RBM6: variants seen among roughly 807,000 people sequenced by gnomAD.
RBM6 encodes RNA binding motif protein 6.
RBM6 carries 23 observed loss-of-function variants against 140.4 expected under a neutral mutation model. The ratio of observed to expected loss-of-function variants is 0.16; its 90% CI spans 0.12 to 0.23. RBM6 has a LOEUF of 0.23. Ranked by LOEUF, RBM6 falls within the 10% of genes least tolerant of loss-of-function variation. The pLI is 1.00. For missense variants in RBM6, 1,139 were observed against 1,386.7 expected, an observed-to-expected ratio of 0.82 and a Z score of 2.84; for synonymous variants, 439 against 475.6, an observed-to-expected ratio of 0.92 and a Z score of 1.00.
At chr3:50,068,158 C>T in intron 17 of RBM6, among the ~76,000 whole-genome samples, 1 of 152,188 alleles carries the variant, frequency 6.6e-6, no homozygotes, top group South Asian at 2.1e-4. Flanking sequence ...TTTTCCTTTC[C>T]TTAAGGTCGT....
In RBM6 at chr3:49,955,988, T is replaced by G. The variant is rs190812510; in HGVS notation, c.-66-6588T>G. On this transcript the variant is annotated intron_variant, in intron 1 of 20. Coordinates refer to ENST00000266022, the MANE Select transcript of RBM6 (RefSeq NM_005777.3). Reference sequence around the variant, plus strand: ...ACTTTTGCCATTTTGCTACTACTTTTATGTTTAGCTGATTTTTTTTTTTTT... The same window carrying G: ...ACTTTTGCCATTTTGCTACTACTTTGATGTTTAGCTGATTTTTTTTTTTTT... 3.7e-4 allele frequency among the ~76,000 whole-genome samples: 57 copies of G among 152,094 alleles called. 2 individuals carry two copies. Among genetic ancestry groups the G allele is most frequent in the Admixed American group, 3.5e-3 (53 of 15,200 alleles).
intron 7 of RBM6, among the ~76,000 whole-genome samples, chr3:50,048,859 A>G (rs531156903): frequency 1.7e-4 from 26 of 152,028 alleles, no homozygotes; most frequent in African/African-American, 6.0e-4. Context: ...CTAGAGTGCA[A>G]TGGCGTGATT....
At position 50,062,104 on chromosome 3, in the gene RBM6, C is replaced by T. The variant is rs749549620; in HGVS notation, c.2582C>T (p.Thr861Met). Reference sequence around the variant, plus strand: ...AAGGAGAAAAAAGACAGAGGAGTGACGAGGGTAAGAGGAATTGTTAATTTG... The same window carrying T: ...AAGGAGAAAAAAGACAGAGGAGTGATGAGGGTAAGAGGAATTGTTAATTTG... ...DGKEKKDRGV[T>M]RFQENASEGK... The change falls in exon 15 of 21, where the codon ACG (threonine) becomes ATG (methionine). Residue 861 changes from threonine (T) to methionine (M), a missense_variant. Around this residue, in one of 9 missense-constraint regions of RBM6, gnomAD observed 163 missense variants for 182.8 expected, o/e 0.89. Coordinates refer to ENST00000266022, the MANE Select transcript of RBM6 (RefSeq NM_005777.3). The T allele has an allele frequency of 1.9e-5, 30 of 1,612,512 alleles. No homozygotes were observed. The highest frequency in any genetic ancestry group is 1.1e-4 in the East Asian group (5 of 44,856).
At chr3:49,978,414 G>C (rs1014982864) in intron 5 of RBM6, among the ~76,000 whole-genome samples, 6 of 152,184 alleles carry the variant, frequency 3.9e-5, no homozygotes, top group Non-Finnish European at 8.8e-5. Context: ...GTGGAGTACA[G>C]TCTGTCCTGT....
At chr3:49,942,599 ACT>A (rs559379209) in intron 1 of RBM6, among the ~76,000 whole-genome samples, 27 of 151,572 alleles carry the variant, frequency 1.8e-4, no homozygotes, top group African/African-American at 5.8e-4. Flanking sequence ...TCAAACAGAA[ACT>A]CTGTAACCAG....
chr3:49,998,484 CATTGACA>C (rs984430618), intron 5 of RBM6, among the ~76,000 whole-genome samples: 1 of 152,142 alleles, frequency 6.6e-6, no homozygotes, highest in Non-Finnish European at 1.5e-5. Flanking sequence ...GGGAGCACTG[CATTGACA>C]AGTGTATTTT....
intron 6 of RBM6, among the ~76,000 whole-genome samples, chr3:50,019,815 A>G (rs553572983): frequency 1.3e-5 from 2 of 151,594 alleles, no homozygotes; most frequent in South Asian, 2.1e-4. Context: ...TTTTTAAATC[A>G]TGAAAGGGGA....
chr3:49,971,424 G>A (rs1417216153), intron 3 of RBM6, among the ~76,000 whole-genome samples: 2 of 149,286 alleles, frequency 1.3e-5, no homozygotes, highest in Non-Finnish European at 3.0e-5. Flanking sequence ...CAGCCTGGGC[G>A]ACAGAGCGAC....
chr3:50,066,330 C>T lies in RBM6; in HGVS notation c.2771C>T (p.Pro924Leu), dbSNP rs765907014. The T allele has an allele frequency of 6.2e-7, 1 of 1,614,120 alleles. No homozygotes were observed. Among genetic ancestry groups the T allele is most frequent in the South Asian group, 1.1e-5 (1 of 91,086 alleles). The change falls in exon 17 of 21, where the codon CCT (proline) becomes CTT (leucine). Residue 924 changes from proline to leucine, a missense_variant. By Grantham distance (98) the Pro-to-Leu change is moderately conservative. Around this residue, in one of 9 missense-constraint regions of RBM6, gnomAD observed 23 missense variants for 19.2 expected, o/e 1.20. Coordinates refer to ENST00000266022, the MANE Select transcript of RBM6 (RefSeq NM_005777.3). ...YEEEEEEEQT[P>L]PPQPRTAQPQ... ...GAGGAAGAAGAGGAGGAACAGACCC[C>T]TCCCCCACAGCCCCGCACAGCACAG...
rs1215257306 is a variant in RBM6, at chr3:50,077,059, A to C, written c.3298A>C (p.Lys1100Gln). Residue 1100 changes from lysine to glutamine, a missense_variant, in exon 21 of 21, where the codon AAA becomes CAA. Lys to Gln is a moderately conservative substitution (Grantham distance 53). Transcript: ENST00000266022. ...TGTTGGAGCCTCAGGAAGAACCAGC[A>C]AAAGACAGTCCAACGAGACTTACCG... ...PSVGASGRTS[K>Q]RQSNETYRDA... 6.2e-7 allele frequency: 1 copy of C among 1,613,190 alleles called. No homozygotes were observed. Among genetic ancestry groups the C allele is most frequent in the Non-Finnish European group, 8.5e-7 (1 of 1,179,906 alleles).
At chr3:49,963,125 G>GAAAAAAAAAAAAAAAAAAAAAAAAAAAA (rs911374200) in intron 2 of RBM6, 1 of 145,268 alleles carries the variant, frequency 6.9e-6, no homozygotes, top group African/African-American at 2.5e-5. Flanking sequence ...AAAAAAAAAA[G>GAAAAAAAAAAAAAAAAAAAAAAAAAAAA]AAAAAAAAAG....
chr3:50,000,342 T>C (rs910559380), intron 6 of RBM6, among the ~76,000 whole-genome samples: 2 of 148,230 alleles, frequency 1.3e-5, no homozygotes, highest in South Asian at 2.1e-4. Context: ...TGTGTTTTTT[T>C]TTTCTTTTTT....
At chr3:50,028,806 T>C (rs1339980264) in intron 6 of RBM6, among the ~76,000 whole-genome samples, 2 of 152,240 alleles carry the variant, frequency 1.3e-5, no homozygotes, top group Non-Finnish European at 2.9e-5. Flanking sequence ...GGTTAACACA[T>C]ATTGCATAAA....
Position 50,058,421 on chromosome 3 carries a change from C to G in RBM6, c.1989C>G (p.Ile663Met). ...ATTCAGCTATCATGCTAAAGCGTAT[C>G]TATCGTTCCACACCACCTGAGGTGA... ...GESKTIMLKRIYRSTPPEVIV... is the reference protein window; with the variant it reads ...GESKTIMLKRMYRSTPPEVIV... The change falls in exon 10 of 21, where the codon ATC (isoleucine) becomes ATG (methionine). Residue 663 changes from isoleucine to methionine, a missense_variant. Ile to Met is a conservative substitution (Grantham distance 10). Coordinates refer to ENST00000266022, the MANE Select transcript of RBM6 (RefSeq NM_005777.3). The G allele has an allele frequency of 6.2e-7, 1 of 1,610,776 alleles. No individual in the cohort carries two copies. Among genetic ancestry groups the G allele is most frequent in the Non-Finnish European group, 8.5e-7 (1 of 1,176,906 alleles).
intron 8 of RBM6, among the ~76,000 whole-genome samples, chr3:50,056,364 G>A (rs548331979): frequency 2.0e-5 from 3 of 151,106 alleles, no homozygotes; most frequent in Admixed American, 2.0e-4. Context: ...GCGCAATCTC[G>A]GCTCACTGCA....
At chr3:49,955,704 G>A (rs1475797204) in intron 1 of RBM6, among the ~76,000 whole-genome samples, 1 of 152,028 alleles carries the variant, frequency 6.6e-6, no homozygotes, top group African/African-American at 2.4e-5. Context: ...TTAGCTGGGT[G>A]TACTGGCGGG....
chr3:49,945,881 C>CA (rs67271820), intron 1 of RBM6, among the ~76,000 whole-genome samples: 677 of 61,656 alleles, frequency 0.011, 29 homozygotes, highest in African/African-American at 0.025. Context: ...GACTCCATCT[C>CA]AAAAAAAAAA....
At position 49,967,175 on chromosome 3, in the gene RBM6, A is replaced by T. The variant is rs1394540198; in HGVS notation, c.45-295A>T. The T allele has an allele frequency of 1.3e-5, 14 of 1,110,036 alleles. No individual in the cohort carries two copies. The highest frequency in any genetic ancestry group is 1.6e-5 in the Non-Finnish European group (14 of 902,472). The allele number at this position is 1,110,036 out of a possible 1,614,324, so 68.8% of individuals were successfully genotyped here. ...TGTCACCATTGTTAGCTTATTTGGT[A>T]TTGCGGATTTTCCCTGTTGCAGGAC... On this transcript the variant is annotated intron_variant, in intron 2 of 20. Transcript: ENST00000266022. This position sits in a 1 kb window ranked among gnomAD's most constrained non-coding sequence, Gnocchi z 4.0.
At chr3:49,987,147 A>T (rs1215645911) in intron 5 of RBM6, among the ~76,000 whole-genome samples, 9 of 151,830 alleles carry the variant, frequency 5.9e-5, no homozygotes, top group Admixed American at 1.3e-4. Flanking sequence ...ATCTTGGCTC[A>T]CTGCAACCTC....
Sources: gnomAD v4.1 joint callset for allele counts (sites outside exome capture counted in the v4.1 genomes callset) on GRCh38, gnomAD v4.1.1 for gene constraint, gnomAD v4.1.1 regional missense constraint, Gnocchi (gnomAD v3.1) non-coding constraint, MANE v1.5 for transcripts, NCBI Gene and HGNC (gene_info 2026-07-23, HGNC 2026-07-21) for gene names.